The following ZNF865 variants were observed in gnomAD, a reference collection of about 807,000 sequenced individuals.
ZNF865 encodes the protein zinc finger protein 865.
For missense variants in ZNF865, 1,311 were observed against 1,593.4 expected (o/e 0.82, Z 3.02); for synonymous variants, 763 against 750.8 (o/e 1.02, Z -0.27).
intron 1 of ZNF865, among the ~76,000 whole-genome samples, chr19:55,607,752 G>A (rs1273899084): frequency 1.3e-5 from 2 of 152,152 alleles, no homozygotes; most frequent in African/African-American, 2.4e-5. Flanking sequence ...GGACAACTGT[G>A]GCCCACTTGG....
chr19:55,607,895 C>T (rs544781151), intron 1 of ZNF865, among the ~76,000 whole-genome samples: 1 of 152,116 alleles, frequency 6.6e-6, no homozygotes, highest in East Asian at 1.9e-4. Flanking sequence ...CTTCTTCAAA[C>T]AAAAATGTAT....
Position 55,617,050 on chromosome 19 carries a change from A to G in ZNF865, c.*252A>G. ...CCAACCCTCGTTTGTGACCCGCATC[A>G]GCCCCCGCCCCAGCAGCACTCTGCC... On this transcript the variant is annotated 3_prime_UTR_variant, in exon 2 of 2. Transcript: ENST00000568956. The G allele has an allele frequency of 2.5e-6, 1 of 407,796 alleles. No individual in the cohort carries two copies. Among genetic ancestry groups the G allele is most frequent in the Non-Finnish European group, 4.3e-6 (1 of 232,356 alleles). The allele number at this position is 407,796 out of a possible 1,614,324, so 25.3% of individuals were successfully genotyped here.
At chr19:55,606,664 G>A (rs1980955391) in intron 1 of ZNF865, among the ~76,000 whole-genome samples, 1 of 152,194 alleles carries the variant, frequency 6.6e-6, no homozygotes, top group Non-Finnish European at 1.5e-5. Context: ...GACTCCCTAG[G>A]GAAGACCCTG....
chr19:55,606,774 G>A lies in ZNF865; in HGVS notation c.-27+1042G>A, dbSNP rs1462027243. Among the ~76,000 whole-genome samples the A allele has an allele frequency of 2.6e-5, 4 of 152,334 alleles. No individual in the cohort carries two copies. The East Asian group carries it at 5.8e-4, about 22-fold the overall frequency. On this transcript the variant is annotated intron_variant, in intron 1 of 1. Transcript: ENST00000568956. ...AAGGGTATAATATACAGCCACGAAG[G>A]GGGTCGATACACACAGTGTTCTCAC... is the stretch of plus-strand genomic sequence containing the variant.
chr19:55,616,211 C>T lies in ZNF865; in HGVS notation c.2593C>T (p.Arg865Cys). The change falls in exon 2 of 2, where the codon CGC becomes TGC. Residue 865 changes from arginine to cysteine, a missense_variant. Physicochemically the swap from Arg to Cys is radical, Grantham distance 180. Transcript: ENST00000568956. ...KRFWEAALLM[R>C]HQRCHTEQRP... ...CTTCTGGGAGGCGGCCCTGCTGATG[C>T]GCCACCAGCGCTGCCACACGGAACA... 3.3e-6 allele frequency: 5 copies of T among 1,523,532 alleles called. No homozygotes were observed. The highest frequency in any genetic ancestry group is 4.4e-6 in the Non-Finnish European group (5 of 1,140,282). The allele number at this position is 1,523,532 out of a possible 1,614,324, so 94.4% of individuals were successfully genotyped here. A position where few individuals can be genotyped will look rare whatever the true frequency, so the allele number is the denominator to read the frequency against.
chr19:55,613,510 GAT>G (rs1167479760), intron 1 of ZNF865, 81 bp from the exon 2 acceptor site: 1 of 1,259,752 alleles, frequency 7.9e-7, no homozygotes, highest in African/African-American at 1.5e-5. Flanking sequence ...CACAAGGATG[GAT>G]GAGTGGGCGC....
In ZNF865 at chr19:55,613,938, C is replaced by T. The variant is rs1485160939; in HGVS notation, c.320C>T (p.Ser107Phe). ...SSSSSSSSSSSSSSSSSSSSS... is the reference protein window; with the variant it reads ...SSSSSSSSSSFSSSSSSSSSS... ...TCCTCCTCCTCCTCCTCTTCGTCCT[C>T]CTCGTCGTCATCTTCGTCCTCTTCC... Residue 107 changes from serine (S) to phenylalanine (F), a missense_variant, in exon 2 of 2, where the codon TCC (serine) becomes TTC (phenylalanine). By Grantham distance (155) the Ser-to-Phe change is radical. Transcript: ENST00000568956. 3 of 1,533,022 alleles carry T rather than the reference C, an allele frequency of 2.0e-6. No homozygotes were observed. Among genetic ancestry groups the T allele is most frequent in the African/African-American group, 1.4e-5 (1 of 72,654 alleles). The allele number at this position is 1,533,022 out of a possible 1,614,324, so 95.0% of individuals were successfully genotyped here. A position where few individuals can be genotyped will look rare whatever the true frequency, so the allele number is the denominator to read the frequency against.
chr19:55,607,439 GAAAAAA>G (rs112301848), intron 1 of ZNF865, among the ~76,000 whole-genome samples: 7 of 78,420 alleles, frequency 8.9e-5, no homozygotes, highest in African/African-American at 2.4e-4. Context: ...GTCTTTACAG[GAAAAAA>G]AAAAAAAAAA....
At position 55,617,091 on chromosome 19, in the gene ZNF865, C is replaced by T. The variant is rs145085059; in HGVS notation, c.*293C>T. The T allele has an allele frequency of 6.3e-3, 1,822 of 289,488 alleles. 8 individuals are homozygous for T. Among genetic ancestry groups the T allele is most frequent in the Non-Finnish European group, 9.2e-3 (1,454 of 158,452 alleles). The allele number at this position is 289,488 out of a possible 1,614,324, so 17.9% of individuals were successfully genotyped here. ...GCACTCTGCCCCCAGTAAGTTTTGG[C>T]GGAGATGGGTCTGAACCGCCCCTCC... On this transcript the variant is annotated 3_prime_UTR_variant, in exon 2 of 2. Transcript: ENST00000568956.
intron 1 of ZNF865, among the ~76,000 whole-genome samples, chr19:55,612,144 T>A (rs1981160292): frequency 6.6e-6 from 1 of 152,186 alleles, no homozygotes; most frequent in Non-Finnish European, 1.5e-5. Flanking sequence ...GAATGCATTC[T>A]GCTGATGCAT....
Position 55,616,126 on chromosome 19 carries a change from C to T in ZNF865, c.2508C>T (p.Leu836=). 1.3e-6 allele frequency: 2 copies of T among 1,494,742 alleles called. No homozygotes were observed. Among genetic ancestry groups the T allele is most frequent in the Non-Finnish European group, 1.8e-6 (2 of 1,124,342 alleles). The allele number at this position is 1,494,742 out of a possible 1,614,324, so 92.6% of individuals were successfully genotyped here. The change falls in exon 2 of 2, where the codon CTC becomes CTT. Residue 836 remains leucine, a synonymous_variant. Coordinates refer to ENST00000568956, the MANE Select transcript of ZNF865 (RefSeq NM_001195605.2). The stretch of plus-strand genomic sequence containing the variant: ...GCTTCGCGGGCGCCTACGACTTGCT[C>T]CTACACCGCCGCAGCCATCGGCAGA... ...GQSFAGAYDL[L]LHRRSHRQKR...
intron 1 of ZNF865, 68 bp from the exon 2 acceptor site, chr19:55,613,525 A>G: frequency 7.5e-7 from 1 of 1,337,662 alleles, no homozygotes; most frequent in Non-Finnish European, 9.9e-7. Flanking sequence ...GTGGGCGCAC[A>G]GCTCCATTCA....
chr19:55,615,454 C>T lies in ZNF865; in HGVS notation c.1836C>T (p.Gly612=), dbSNP rs769234048. 11 of 1,505,590 alleles carry T rather than the reference C, an allele frequency of 7.3e-6. No individual in the cohort carries two copies. The South Asian group carries it at 1.4e-4, about 19-fold the overall frequency. The allele number at this position is 1,505,590 out of a possible 1,614,324, so 93.3% of individuals were successfully genotyped here. ...RERPYKCELC[G]KVFGYPQSLT... The stretch of plus-strand genomic sequence containing the variant: ...GGCCCTACAAGTGCGAGCTCTGCGG[C>T]AAGGTCTTCGGCTACCCGCAGAGCC... Residue 612 remains glycine (G), a synonymous_variant, in exon 2 of 2, where the codon GGC becomes GGT. Transcript: ENST00000568956.
At position 55,616,339 on chromosome 19, in the gene ZNF865, C is replaced by T. The variant is rs920737591; in HGVS notation, c.2721C>T (p.Gly907=). The part of the protein sequence containing the change: ...VHTGERAFKC[G]VCAKRFAQSS... ...CTGGCGAGCGGGCCTTCAAGTGCGG[C>T]GTGTGCGCCAAGCGCTTCGCGCAGT... Residue 907 remains glycine, a synonymous_variant, in exon 2 of 2, where the codon GGC becomes GGT. Transcript: ENST00000568956. 6.6e-7 allele frequency: 1 copy of T among 1,522,326 alleles called. No homozygotes were observed. The highest frequency in any genetic ancestry group is 8.8e-7 in the Non-Finnish European group (1 of 1,139,974). 94.3% of individuals were successfully genotyped at this position (1,522,326 alleles called of 1,614,324 possible). A position where few individuals can be genotyped will look rare whatever the true frequency, so the allele number is the denominator to read the frequency against.
chr19:55,613,912 GTCCTCC>G lies in ZNF865; in HGVS notation c.306_311del (p.Ser116_Ser117del), dbSNP rs761424663. On this transcript the variant is annotated inframe_deletion, in exon 2 of 2. Transcript: ENST00000568956. ...AGGTGCCCTCCTCGTCCTCGTCCTC[GTCCTCC>G]TCCTCCTCCTCTTCGTCCTCCTCGT... is the stretch of plus-strand genomic sequence containing the variant. 1.2e-4 allele frequency: 185 copies of G among 1,510,772 alleles called. 1 individual carries two copies. The highest frequency in any genetic ancestry group is 5.1e-4 in the Middle Eastern group (3 of 5,922). The allele number at this position is 1,510,772 out of a possible 1,614,324, so 93.6% of individuals were successfully genotyped here.
chr19:55,614,869 C>T lies in ZNF865; in HGVS notation c.1251C>T (p.Arg417=), dbSNP rs1386191452. The T allele has an allele frequency of 1.3e-6, 2 of 1,515,926 alleles. No homozygotes were observed. Among genetic ancestry groups the T allele is most frequent in the Non-Finnish European group, 1.8e-6 (2 of 1,135,640 alleles). The allele number at this position is 1,515,926 out of a possible 1,614,324, so 93.9% of individuals were successfully genotyped here. The change falls in exon 2 of 2, where the codon CGC becomes CGT. Residue 417 remains arginine, a synonymous_variant. Coordinates refer to ENST00000568956, the MANE Select transcript of ZNF865 (RefSeq NM_001195605.2). The surrounding 1 kb of genome is among the most constrained non-coding windows in gnomAD (Gnocchi z 8.0). ...GCGGCATCTGCGGGAAGGCCTTCCG[C>T]GACGCCTCCTACCTCCTCAAGCACC... ...LPCGICGKAF[R]DASYLLKHQA...
chr19:55,616,689 A>G lies in ZNF865; in HGVS notation c.3071A>G (p.Glu1024Gly). ...CCCTTCCGCTGCTCCTCCTGCGGCG[A>G]GGGCTTCGCCAACACCTACGGCCTC... ...GRPFRCSSCGEGFANTYGLKK... is the reference protein window; with the variant it reads ...GRPFRCSSCGGGFANTYGLKK... Residue 1024 changes from glutamate (E) to glycine (G), a missense_variant, in exon 2 of 2, where the codon GAG becomes GGG. Coordinates refer to ENST00000568956, the MANE Select transcript of ZNF865 (RefSeq NM_001195605.2). The G allele has an allele frequency of 2.0e-6, 3 of 1,529,968 alleles. No individual in the cohort carries two copies. Among genetic ancestry groups the G allele is most frequent in the Non-Finnish European group, 2.6e-6 (3 of 1,144,356 alleles). 94.8% of individuals were successfully genotyped at this position (1,529,968 alleles called of 1,614,324 possible). A position where few individuals can be genotyped will look rare whatever the true frequency, so the allele number is the denominator to read the frequency against.
chr19:55,609,825 C>T (rs1459736686), intron 1 of ZNF865, among the ~76,000 whole-genome samples: 2 of 152,244 alleles, frequency 1.3e-5, no homozygotes, highest in African/African-American at 2.4e-5. Context: ...CATCATGCTT[C>T]TCTCTGCATA....
chr19:55,609,219 A>G (rs1484336578), intron 1 of ZNF865, among the ~76,000 whole-genome samples: 1 of 152,002 alleles, frequency 6.6e-6, no homozygotes, highest in Non-Finnish European at 1.5e-5. Flanking sequence ...GGGTTTCACT[A>G]TATATTGGCC....
Sources: gnomAD v4.1 joint callset for allele counts (sites outside exome capture counted in the v4.1 genomes callset) on GRCh38, gnomAD v4.1.1 for gene constraint, Gnocchi (gnomAD v3.1) non-coding constraint, MANE v1.5 for transcripts, NCBI Gene and HGNC (gene_info 2026-07-23, HGNC 2026-07-21) for gene names.